The following ACACB variants were observed in gnomAD, a reference collection of about 807,000 sequenced individuals.
ACACB encodes acetyl-CoA carboxylase beta, also known as acetyl-CoA carboxylase 2.
Under a neutral mutation model 278.8 loss-of-function variants are expected in ACACB, and 209 were observed. The ratio of observed to expected loss-of-function variants is 0.75; its 90% CI spans 0.67 to 0.84. The LOEUF (loss-of-function observed/expected upper bound fraction) is 0.84, where lower values mean the gene tolerates loss of function less well. ACACB is among the 40% of genes least tolerant of loss of function. The pLI is 0.00. For synonymous variants in ACACB, 1,174 were observed against 1,285.6 expected (o/e 0.91, Z 1.86); for missense variants, 2,850 against 3,269.0 (o/e 0.87, Z 3.13).
At chr12:109,228,149 A>G (rs1475994235) in intron 28 of ACACB, among the ~76,000 whole-genome samples, 2 of 151,984 alleles carry the variant, frequency 1.3e-5, no homozygotes, top group Non-Finnish European at 2.9e-5. Context: ...CAGCCTGGCC[A>G]ACATGGTGAA....
At chr12:109,189,857 T>C (rs1237017045) in intron 13 of ACACB, among the ~76,000 whole-genome samples, 1 of 152,160 alleles carries the variant, frequency 6.6e-6, no homozygotes, top group Non-Finnish European at 1.5e-5. Context: ...ATGCCTGTAA[T>C]CCCAGCACTT....
rs1184239234 is a variant in ACACB at position 109,222,531 on chromosome 12, T to C, written c.3589T>C (p.Ser1197Pro). The change falls in exon 25 of 53, where the codon TCC becomes CCC. Residue 1197 changes from serine to proline, a missense_variant. Coordinates refer to ENST00000338432, the MANE Select transcript of ACACB (RefSeq NM_001093.4). The stretch of plus-strand genomic sequence containing the variant: ...GGATGAGCTGTGTGGCCCAGACCCT[T>C]CCCTGTCGGACGAGCTGATCTCCAT... ...LIDELCGPDP[S>P]LSDELISILN... 6.2e-7 allele frequency: 1 copy of C among 1,614,156 alleles called. No homozygotes were observed. The highest frequency in any genetic ancestry group is 1.1e-5 in the South Asian group (1 of 91,082).
chr12:109,240,230 A>C (rs2046755775), intron 35 of ACACB, among the ~76,000 whole-genome samples: 1 of 152,208 alleles, frequency 6.6e-6, no homozygotes, highest in Non-Finnish European at 1.5e-5. Context: ...AATGTCTTTC[A>C]AAACAAAATT....
chr12:109,193,378 C>T (rs748524623), intron 15 of ACACB, among the ~76,000 whole-genome samples: 8 of 152,032 alleles, frequency 5.3e-5, no homozygotes, highest in East Asian at 1.9e-4. Flanking sequence ...CCACCACGCC[C>T]GGCTAATTTT....
chr12:109,215,351 A>G (rs2045963742), intron 22 of ACACB, among the ~76,000 whole-genome samples: 1 of 151,498 alleles, frequency 6.6e-6, no homozygotes, highest in African/African-American at 2.4e-5. Context: ...TACCTACTCC[A>G]GTTTTGCCTC....
chr12:109,123,277 G>C (rs1225900936), intron 1 of ACACB, among the ~76,000 whole-genome samples: 2 of 151,988 alleles, frequency 1.3e-5, no homozygotes, highest in African/African-American at 2.4e-5. Flanking sequence ...CCATTTTTCT[G>C]TATTTGTCAC....
At chr12:109,203,920 C>G (rs1165608419) in intron 19 of ACACB, among the ~76,000 whole-genome samples, 1 of 152,002 alleles carries the variant, frequency 6.6e-6, no homozygotes, top group Non-Finnish European at 1.5e-5. Flanking sequence ...CCCTCCTAAG[C>G]AAGACTCTAA....
Position 109,206,820 on chromosome 12 carries a change from T to A in ACACB, c.3024T>A (p.Ser1008Arg), listed in dbSNP as rs773198261. 3 of 1,614,068 alleles carry A rather than the reference T, an allele frequency of 1.9e-6. No homozygotes were observed. The highest frequency in any genetic ancestry group is 1.3e-5 in the African/African-American group (1 of 75,004). ...TGGAAAACCTCACCAACGTCATGAG[T>A]GGCTTTTGTCTGCCAGAGCCCGTTT... The part of the protein sequence containing the change: ...SVLENLTNVM[S>R]GFCLPEPVFS... Residue 1008 changes from serine to arginine, a missense_variant, in exon 20 of 53, where the codon AGT (serine) becomes AGA (arginine). By Grantham distance (110) the Ser-to-Arg change is moderately radical (BLOSUM62 -1). Transcript: ENST00000338432.
intron 31 of ACACB, among the ~76,000 whole-genome samples, chr12:109,235,057 C>G (rs2046594923): frequency 6.6e-6 from 1 of 152,156 alleles, no homozygotes; most frequent in Non-Finnish European, 1.5e-5. Context: ...TTAGCAGTCA[C>G]TCCCCTCTGT....
At chr12:109,206,180 A>G (rs1025055325) in intron 19 of ACACB, among the ~76,000 whole-genome samples, 1 of 152,164 alleles carries the variant, frequency 6.6e-6, no homozygotes, top group Non-Finnish European at 1.5e-5. Flanking sequence ...TCACCCCTGT[A>G]ATCCCAGCAC....
intron 1 of ACACB, among the ~76,000 whole-genome samples, chr12:109,122,430 T>C (rs931999021): frequency 1.3e-5 from 2 of 151,778 alleles, no homozygotes; most frequent in Non-Finnish European, 2.9e-5. Flanking sequence ...AAAGTTTCGC[T>C]GGGCGTGGTG....
chr12:109,225,048 C>A (rs2046276434), intron 27 of ACACB, among the ~76,000 whole-genome samples: 1 of 152,162 alleles, frequency 6.6e-6, no homozygotes. Flanking sequence ...GTCTCCTGGG[C>A]CTGCAACTTT....
Position 109,253,048 on chromosome 12 carries a change from C to G in ACACB, c.5935C>G (p.Gln1979Glu), listed in dbSNP as rs773088100. The change falls in exon 43 of 53, where the codon CAG (glutamine) becomes GAG (glutamate). Residue 1979 changes from glutamine (Q) to glutamate (E), a missense_variant. Coordinates refer to ENST00000338432, the MANE Select transcript of ACACB (RefSeq NM_001093.4). ...LGREVYTSNN[Q>E]LGGVQIMHYN... ...AAGAGAGGTCTACACATCCAACAAC[C>G]AGCTGGGTGGCGTTCAGATCATGCA... is the stretch of plus-strand genomic sequence containing the variant. The G allele has an allele frequency of 1.2e-6, 2 of 1,612,558 alleles. No individual in the cohort carries two copies. Among genetic ancestry groups the G allele is most frequent in the Non-Finnish European group, 8.5e-7 (1 of 1,179,230 alleles).
At chr12:109,163,797 A>C (rs1268744287) in intron 2 of ACACB, among the ~76,000 whole-genome samples, 2 of 152,072 alleles carry the variant, frequency 1.3e-5, no homozygotes, top group Non-Finnish European at 2.9e-5. Flanking sequence ...TTACAGATGC[A>C]CACCACCATG....
chr12:109,125,755 TG>T (rs2042665231), intron 1 of ACACB, among the ~76,000 whole-genome samples: 1 of 152,034 alleles, frequency 6.6e-6, no homozygotes, highest in East Asian at 1.9e-4. Context: ...CTCAGAGAGG[TG>T]AGGAAACTTG....
chr12:109,154,249 C>A (rs1414464488), intron 2 of ACACB, among the ~76,000 whole-genome samples: 1 of 152,220 alleles, frequency 6.6e-6, no homozygotes, highest in African/African-American at 2.4e-5. Context: ...TAGAAGCACA[C>A]TGGGTGATTG....
At chr12:109,150,074 T>C (rs1379218537) in intron 2 of ACACB, among the ~76,000 whole-genome samples, 1 of 152,150 alleles carries the variant, frequency 6.6e-6, no homozygotes, top group East Asian at 1.9e-4. Flanking sequence ...TTGCTGTAAG[T>C]ACAGCACTCG....
intron 21 of ACACB, 105 bp downstream of exon 21, chr12:109,209,458 C>T (rs2045617412): frequency 8.4e-7 from 1 of 1,187,728 alleles, no homozygotes; most frequent in South Asian, 1.5e-5. Context: ...CTCCTTGAGA[C>T]CCACTTATAG....
At chr12:109,261,606 C>T (rs949379434) in intron 48 of ACACB, among the ~76,000 whole-genome samples, 7 of 152,098 alleles carry the variant, frequency 4.6e-5, no homozygotes, top group African/African-American at 1.2e-4. Context: ...CGTGGTGGCT[C>T]ACGCCTGTAA....
Sources: allele counts gnomAD v4.1 joint callset (sites outside exome capture counted in the v4.1 genomes callset), GRCh38; gene constraint gnomAD v4.1.1; transcripts MANE v1.5; gene names NCBI Gene and HGNC (gene_info 2026-07-23, HGNC 2026-07-21).